Variants in SKAP2 observed in about 807,000 individuals in gnomAD.
SKAP2 encodes src kinase associated phosphoprotein 2.
A neutral mutation model predicts 54.9 loss-of-function variants in SKAP2; 28 were observed. The ratio of observed to expected loss-of-function variants is 0.51; its 90% confidence interval spans 0.38 to 0.70. The LOEUF (loss-of-function observed/expected upper bound fraction) is 0.70, where lower values mean the gene tolerates loss of function less well. SKAP2 is among the 30% of genes least tolerant of loss of function. The pLI is 0.00. For synonymous variants in SKAP2, 137 were observed against 134.3 expected, an observed-to-expected ratio of 1.02 and a Z score of -0.14; for missense variants, 356 against 424.1, an observed-to-expected ratio of 0.84 and a Z score of 1.41.
intron 1 of SKAP2, among the ~76,000 whole-genome samples, chr7:26,859,399 G>A (rs1225360773): frequency 7.2e-5 from 11 of 152,156 alleles, no homozygotes. Context: ...GCCCAAAGTT[G>A]GAAAATGGCT....
chr7:26,795,926 T>C lies in SKAP2; in HGVS notation c.307+48104A>G, dbSNP rs1783767997. On this transcript the variant is annotated intron_variant, in intron 4 of 12. Coordinates refer to ENST00000345317, the MANE Select transcript of SKAP2 (RefSeq NM_003930.5). ...GGTTTGAACTGCACGAGTCCACTTA[T>C]CCATGGATTTTTTCAACAAATATAT... Among the ~76,000 whole-genome samples the C allele has an allele frequency of 2.6e-5, 4 of 152,200 alleles. No homozygotes were observed. The South Asian group carries it at 8.3e-4, about 31-fold the overall frequency.
In SKAP2 at chr7:26,776,450, G is replaced by A. The variant is rs573566519; in HGVS notation, c.308-36486C>T. Among the ~76,000 whole-genome samples, 48 of 152,150 alleles carry A rather than the reference G, an allele frequency of 3.2e-4. 1 individual carries two copies. The South Asian group carries it at 9.8e-3, about 31-fold the overall frequency. On this transcript the variant is annotated intron_variant, in intron 4 of 12. Transcript: ENST00000345317. ...CATTACCTCCTTCCTCTGTATGACT[G>A]ACCTAATTCCAACCACCTCCTTTCC...
chr7:26,822,455 A>G (rs1391962328), intron 4 of SKAP2, among the ~76,000 whole-genome samples: 2 of 152,186 alleles, frequency 1.3e-5, no homozygotes, highest in Non-Finnish European at 2.9e-5. Context: ...CATATAAGAC[A>G]GCAAACTTTA....
intron 4 of SKAP2, among the ~76,000 whole-genome samples, chr7:26,740,483 G>C (rs775463739): frequency 7.9e-5 from 12 of 152,262 alleles, no homozygotes; most frequent in Non-Finnish European, 1.8e-4. Context: ...ATTCCACTGA[G>C]TGAGTATGCT....
intron 4 of SKAP2, among the ~76,000 whole-genome samples, chr7:26,769,251 T>C (rs1223404179): frequency 1.2e-4 from 19 of 152,226 alleles, no homozygotes; most frequent in Admixed American, 1.1e-3. Flanking sequence ...GATTTGGCTA[T>C]TGATACTTGG....
chr7:26,794,388 C>G (rs771746269), intron 4 of SKAP2, among the ~76,000 whole-genome samples: 7 of 152,212 alleles, frequency 4.6e-5, no homozygotes, highest in Admixed American at 2.0e-4. Context: ...GCTAGGGAAT[C>G]TGGGAGTGAC....
At chr7:26,727,578 A>G (rs1787735443) in intron 6 of SKAP2, among the ~76,000 whole-genome samples, 1 of 152,208 alleles carries the variant, frequency 6.6e-6, no homozygotes, top group Non-Finnish European at 1.5e-5. Context: ...CTATGTGGAT[A>G]AAGAAGAGTG....
At chr7:26,729,709 G>C (rs1370052372) in intron 6 of SKAP2, among the ~76,000 whole-genome samples, 1 of 152,002 alleles carries the variant, frequency 6.6e-6, no homozygotes, top group Non-Finnish European at 1.5e-5. Context: ...AAGAATAAGG[G>C]GATGGGGAAG....
At chr7:26,795,723 A>C (rs1351738706) in intron 4 of SKAP2, among the ~76,000 whole-genome samples, 1 of 152,228 alleles carries the variant, frequency 6.6e-6, no homozygotes, top group Non-Finnish European at 1.5e-5. Context: ...GCACCTATGA[A>C]GAGTACTGTT....
chr7:26,796,815 A>G (rs999246623), intron 4 of SKAP2, among the ~76,000 whole-genome samples: 3 of 152,258 alleles, frequency 2.0e-5, no homozygotes, highest in African/African-American at 4.8e-5. Context: ...GGTCAACAAC[A>G]GGCTATTAGT....
chr7:26,727,064 T>C, intron 6 of SKAP2, 58 bp from the exon 7 acceptor site: 1 of 1,358,780 alleles, frequency 7.4e-7, no homozygotes, highest in South Asian at 1.5e-5. Flanking sequence ...CTCAATTATC[T>C]TTTATGTAAA....
chr7:26,820,382 C>T (rs1225922796), intron 4 of SKAP2, among the ~76,000 whole-genome samples: 1 of 152,066 alleles, frequency 6.6e-6, no homozygotes, highest in Non-Finnish European at 1.5e-5. Flanking sequence ...CATATCTTGG[C>T]TTTTTTGGTC....
intron 4 of SKAP2, among the ~76,000 whole-genome samples, chr7:26,820,144 G>A (rs1463251367): frequency 2.0e-5 from 3 of 152,120 alleles, no homozygotes; most frequent in Admixed American, 6.5e-5. Context: ...GATTGTACCT[G>A]TGAATAGCCA....
downstream of SKAP2, among the ~76,000 whole-genome samples, chr7:26,666,652 A>G (rs770649408): frequency 3.3e-5 from 5 of 152,166 alleles, no homozygotes; most frequent in Non-Finnish European, 5.9e-5. Context: ...TCTTTTTCCC[A>G]TGGTCCTATA....
At position 26,669,520 on chromosome 7, in the gene SKAP2, AT is replaced by A. The variant is rs1211921171; in HGVS notation, c.*145del. On this transcript the variant is annotated 3_prime_UTR_variant, in exon 13 of 13. Transcript: ENST00000345317. ...AATTTCACATCAGAGGAATATTTTA[AT>A]GAGCGACTGCATAAAATAACAGTCA... 6.6e-6 allele frequency: 1 copy of A among 152,170 alleles called. No individual in the cohort carries two copies. Among genetic ancestry groups the A allele is most frequent in the Admixed American group, 6.5e-5 (1 of 15,270 alleles). 9.4% of individuals were successfully genotyped at this position (152,170 alleles called of 1,614,324 possible).
chr7:26,675,211 T>G (rs1186035056), intron 11 of SKAP2, among the ~76,000 whole-genome samples: 2 of 152,190 alleles, frequency 1.3e-5, no homozygotes, highest in Non-Finnish European at 2.9e-5. Context: ...AACTGTAGAC[T>G]TTAGCTTGTT....
At chr7:26,712,842 T>G (rs1427160448) in intron 9 of SKAP2, among the ~76,000 whole-genome samples, 1 of 152,226 alleles carries the variant, frequency 6.6e-6, no homozygotes, top group Non-Finnish European at 1.5e-5. Flanking sequence ...TGTAGTGATG[T>G]GGAAGGTATA....
Position 26,739,982 on chromosome 7 carries a change from G to GAAAA in SKAP2, c.308-19_308-18insTTTT. ...CTGGGCTCCTATGAGAAGTTGGGGA[G>GAAAA]AGAAAAAAAAAAGCAGTGGGTAATC... On this transcript the variant is annotated intron_variant, in intron 4 of 12. Transcript: ENST00000345317. 6.5e-7 allele frequency: 1 copy of GAAAA among 1,534,064 alleles called. No homozygotes were observed. Among genetic ancestry groups the GAAAA allele is most frequent in the Non-Finnish European group, 8.9e-7 (1 of 1,128,006 alleles).
chr7:26,765,091 C>T (rs1236839393), intron 4 of SKAP2, among the ~76,000 whole-genome samples: 1 of 152,188 alleles, frequency 6.6e-6, no homozygotes, highest in Non-Finnish European at 1.5e-5. Context: ...TTTACACTCC[C>T]ACCAACAGTA....
Sources: allele counts gnomAD v4.1 joint callset (sites outside exome capture counted in the v4.1 genomes callset), GRCh38; gene constraint gnomAD v4.1.1; transcripts MANE v1.5; gene names NCBI Gene and HGNC (gene_info 2026-07-23, HGNC 2026-07-21).